LMLN: variants seen among roughly 807,000 people sequenced by gnomAD.
LMLN encodes the protein leishmanolysin like peptidase.
LMLN carries 70 observed loss-of-function variants against 92.3 expected under a neutral mutation model. The ratio of observed to expected loss-of-function variants is 0.76; its 90% CI spans 0.63 to 0.92. The LOEUF is 0.92. Ranked by LOEUF, LMLN falls within the 40% of genes least tolerant of loss-of-function variation. The pLI is 0.00. For missense variants in LMLN, 691 were observed against 814.6 expected, an observed-to-expected ratio of 0.85 and a Z score of 1.85; for synonymous variants, 308 against 296.2, an observed-to-expected ratio of 1.04 and a Z score of -0.41.
chr3:198,033,075 A>G (rs954401218), intron 14 of LMLN, among the ~76,000 whole-genome samples: 1 of 152,088 alleles, frequency 6.6e-6, no homozygotes, highest in Admixed American at 6.5e-5. Context: ...CTACCTGTAC[A>G]TCTACCCTCC....
chr3:197,968,099 G>T (rs1201666314), intron 1 of LMLN, among the ~76,000 whole-genome samples: 2 of 152,148 alleles, frequency 1.3e-5, no homozygotes, highest in Non-Finnish European at 2.9e-5. Flanking sequence ...TATCACAGTG[G>T]TCCTGAGGTG....
exon 10 of LMLN, chr3:197,996,223 C>G (rs746797340): frequency 1.2e-6 from 2 of 1,606,724 alleles, no homozygotes; most frequent in Non-Finnish European, 8.5e-7. Context: ...GGGAATGGAA[C>G]TTGAAAATCA....
intron 10 of LMLN, 142 bp downstream of exon 10, chr3:197,996,424 ACAG>A (rs2109893452): frequency 2.0e-6 from 1 of 492,954 alleles, no homozygotes; most frequent in East Asian, 3.4e-5. Context: ...CTTTCCAGAT[ACAG>A]TCACTCCTTA....
In LMLN at chr3:198,026,652, T is replaced by G. The variant is rs534995283; in HGVS notation, c.1656+1864T>G. ...ACAAGATATTCTAAGCTCACTTTGT[T>G]CTTTGTCTACCCCTGACGTGGAATT... is the stretch of plus-strand genomic sequence containing the variant. On this transcript the variant is annotated intron_variant, in intron 14 of 15. Transcript: ENST00000330198. Among the ~76,000 whole-genome samples, 68 of 152,352 alleles carry G rather than the reference T, an allele frequency of 4.5e-4. 2 individuals carry two copies. The South Asian group carries it at 6.6e-3, about 15-fold the overall frequency.
At chr3:197,976,691 T>C (rs1390347582) in exon 5 of LMLN, 13 of 1,554,998 alleles carry the variant, frequency 8.4e-6, no homozygotes, top group Non-Finnish European at 2.6e-6. Context: ...GCGGCCCCGT[T>C]ATTGTTCCTG....
intron 10 of LMLN, chr3:197,996,577 A>T (rs1021459204): frequency 1.1e-5 from 2 of 188,876 alleles, no homozygotes; most frequent in African/African-American, 2.3e-5. Context: ...CTTCTGCTAT[A>T]ATGCAATGTA....
chr3:198,015,523 T>C (rs34852151), intron 11 of LMLN, among the ~76,000 whole-genome samples: 34 of 92,398 alleles, frequency 3.7e-4, no homozygotes, highest in Non-Finnish European at 5.0e-4. Flanking sequence ...CCTAAGTAGT[T>C]TGACTTCTCT....
chr3:198,013,202 G>C (rs1314934390), intron 11 of LMLN, among the ~76,000 whole-genome samples: 9 of 96,326 alleles, frequency 9.3e-5, no homozygotes, highest in African/African-American at 1.9e-4. Context: ...TGACTTCTCT[G>C]TACCCTTCAG....
chr3:197,961,022 C>T (rs1720859379), intron 1 of LMLN, among the ~76,000 whole-genome samples: 1 of 152,134 alleles, frequency 6.6e-6, no homozygotes, highest in African/African-American at 2.4e-5. Flanking sequence ...GCCCGCCTCC[C>T]ATCCCATTTT....
chr3:198,020,207 GCTGGTCTCAAACTC>G lies in LMLN; in HGVS notation c.1365+826_1365+839del, dbSNP rs569694673. ...GACAGGGCTTCACCATGTTGGCCAG[GCTGGTCTCAAACTC>G]CTGACCTCATGTGATCTGCCCGCCT... is the stretch of plus-strand genomic sequence containing the variant. On this transcript the variant is annotated intron_variant, in intron 12 of 15. Coordinates refer to ENST00000330198, the Ensembl canonical transcript of LMLN. Among the ~76,000 whole-genome samples, 10 of 152,218 alleles carry G rather than the reference GCTGGTCTCAAACTC, an allele frequency of 6.6e-5. No individual in the cohort carries two copies. In the East Asian group the frequency reaches 1.9e-3, roughly 29 times the overall value.
chr3:197,970,183 A>T (rs530618880), intron 1 of LMLN, among the ~76,000 whole-genome samples: 13 of 152,170 alleles, frequency 8.5e-5, no homozygotes, highest in African/African-American at 3.1e-4. Context: ...AAAATAAATA[A>T]AAAAAATAAA....
intron 1 of LMLN, among the ~76,000 whole-genome samples, chr3:197,972,977 C>T (rs1452247241): frequency 1.3e-5 from 2 of 152,266 alleles, no homozygotes; most frequent in South Asian, 4.1e-4. Context: ...TGTAGCTCCT[C>T]AAGCCAGTGA....
chr3:197,993,117 C>T (rs1308633423), intron 9 of LMLN, among the ~76,000 whole-genome samples: 1 of 151,912 alleles, frequency 6.6e-6, no homozygotes, highest in Non-Finnish European at 1.5e-5. Flanking sequence ...AAATTAGGTA[C>T]AAAAGGAAGA....
At chr3:197,974,946 A>G in intron 2 of LMLN, 96 bp from the exon 3 acceptor site, 1 of 790,712 alleles carries the variant, frequency 1.3e-6, no homozygotes, top group African/African-American at 1.8e-5. Context: ...GAGCAGGCCC[A>G]AGGCCTGCTG....
intron 15 of LMLN, 112 bp downstream of exon 16, chr3:198,036,155 C>T (rs1472561597): frequency 9.9e-6 from 9 of 907,580 alleles, no homozygotes; most frequent in Non-Finnish European, 1.5e-5. Context: ...TGAGTTTCTT[C>T]TCTGCTGATT....
At chr3:197,962,688 TC>T (rs1720938044) in intron 1 of LMLN, among the ~76,000 whole-genome samples, 2 of 152,182 alleles carry the variant, frequency 1.3e-5, no homozygotes. Context: ...TCTCCTGTGT[TC>T]TAGAAGCCTT....
exon 16 of LMLN, chr3:198,039,732 T>C (rs574192852): frequency 2.0e-5 from 3 of 152,398 alleles, no homozygotes; most frequent in Admixed American, 6.5e-5. Flanking sequence ...GCCAGCTATG[T>C]GGCAGTTTAC....
intron 7 of LMLN, 109 bp downstream of exon 7, chr3:197,984,157 A>T (rs1308406860): frequency 1.5e-6 from 1 of 664,528 alleles, no homozygotes; most frequent in East Asian, 2.6e-5. Context: ...TCCTAGACTC[A>T]TGTTCGTGCA....
chr3:198,038,459 T>C, intron 15 of LMLN, 108 bp from the exon 17 acceptor site: 1 of 813,488 alleles, frequency 1.2e-6, no homozygotes, highest in Non-Finnish European at 2.1e-6. Context: ...CTCAAGGTGG[T>C]CCTTGTTTAC....
Sources: allele counts gnomAD v4.1 joint callset (sites outside exome capture counted in the v4.1 genomes callset), GRCh38; gene constraint gnomAD v4.1.1; transcripts MANE v1.5; gene names NCBI Gene and HGNC (gene_info 2026-07-23, HGNC 2026-07-21).